Variants in ENTPD5 observed in about 807,000 individuals in gnomAD.
The protein encoded by ENTPD5 is ectonucleoside triphosphate diphosphohydrolase 5 (inactive).
A neutral mutation model predicts 60.2 loss-of-function variants in ENTPD5; 49 were observed. That is an observed-to-expected ratio of 0.81 (90% CI 0.65 to 1.03). ENTPD5 has a LOEUF of 1.03. ENTPD5 is among the 50% of genes least tolerant of loss of function. The pLI is 0.00. For synonymous variants in ENTPD5, 187 were observed against 185.4 expected, an observed-to-expected ratio of 1.01 and a Z score of -0.07; for missense variants, 480 against 507.6, an observed-to-expected ratio of 0.95 and a Z score of 0.52.
downstream of ENTPD5, chr14:73,961,239 C>T: frequency 6.2e-7 from 1 of 1,614,154 alleles, no homozygotes; most frequent in Non-Finnish European, 8.5e-7. Flanking sequence ...TGCTGTCAGC[C>T]TTCTGAAGCC....
intron 10 of ENTPD5, among the ~76,000 whole-genome samples, chr14:73,975,329 A>G (rs1003766496): frequency 1.3e-5 from 2 of 151,796 alleles, no homozygotes; most frequent in African/African-American, 4.8e-5. Context: ...TCTGAAGGCC[A>G]GCTCAAAGGA....
At chr14:74,017,609 G>A (rs1477642029) in intron 1 of ENTPD5, among the ~76,000 whole-genome samples, 1 of 151,554 alleles carries the variant, frequency 6.6e-6, no homozygotes, top group Non-Finnish European at 1.5e-5. Flanking sequence ...TTACAGCCGG[G>A]GGCGGTGGCT....
At chr14:73,983,298 G>A (rs1056455368) in intron 5 of ENTPD5, 137 bp from the exon 6 acceptor site, 8 of 848,948 alleles carry the variant, frequency 9.4e-6, no homozygotes, top group East Asian at 2.7e-5. Flanking sequence ...TCTGTAGCAG[G>A]AGAAACCTAG....
At chr14:73,986,444 C>A in intron 5 of ENTPD5, 1 of 171,386 alleles carries the variant, frequency 5.8e-6, no homozygotes, top group Non-Finnish European at 1.3e-5. Flanking sequence ...CACTGCTCAC[C>A]ATGCCTTCAA....
At chr14:73,971,084 C>T (rs1176743021) in intron 14 of ENTPD5, among the ~76,000 whole-genome samples, 2 of 150,950 alleles carry the variant, frequency 1.3e-5, no homozygotes, top group Non-Finnish European at 2.9e-5. Flanking sequence ...AACACTATTT[C>T]AATTTAAAAA....
intron 6 of ENTPD5, among the ~76,000 whole-genome samples, chr14:73,979,759 C>T (rs1194320702): frequency 6.6e-6 from 1 of 152,114 alleles, no homozygotes; most frequent in Non-Finnish European, 1.5e-5. Flanking sequence ...GCGTAAGCCA[C>T]TGCACCTGGC....
intron 6 of ENTPD5, among the ~76,000 whole-genome samples, chr14:73,981,860 T>TTATGCTG (rs1474362804): frequency 6.6e-6 from 1 of 151,650 alleles, no homozygotes; most frequent in Non-Finnish European, 1.5e-5. Flanking sequence ...CTCAAAAACT[T>TTATGCTG]TATGCTGAGA....
intron 11 of ENTPD5, 49 bp from the exon 12 acceptor site, chr14:73,974,027 G>A (rs2057338125): frequency 6.6e-7 from 1 of 1,523,132 alleles, no homozygotes; most frequent in Non-Finnish European, 9.1e-7. Flanking sequence ...TGAGAGAGAG[G>A]GAGGAAGGCA....
downstream of ENTPD5, chr14:73,959,955 T>C: frequency 9.0e-7 from 1 of 1,113,700 alleles, no homozygotes; most frequent in African/African-American, 1.6e-5. Context: ...GTCTAGATTA[T>C]GTGGAGGAGT....
chr14:73,978,498 G>A (rs2057536773), intron 6 of ENTPD5, among the ~76,000 whole-genome samples: 1 of 152,148 alleles, frequency 6.6e-6, no homozygotes, highest in Non-Finnish European at 1.5e-5. Context: ...CTACCTGGGA[G>A]GCTGAGGTAG....
downstream of ENTPD5, chr14:73,955,563 T>C (rs1485060362): frequency 5.2e-6 from 8 of 1,538,472 alleles, no homozygotes; most frequent in African/African-American, 2.7e-5. Context: ...TCTTAAGATA[T>C]CGGAGTCCAC....
rs539209610 is a variant in ENTPD5 at position 74,005,996 on chromosome 14, TG to T, written c.-71+5094del. Reference sequence around the variant, plus strand: ...GTGAAAAGAAATTTAAATACCTTTTTGTTTTTTTTGAGATGGAGTTTTACTC... The same window carrying T: ...GTGAAAAGAAATTTAAATACCTTTTTTTTTTTTTGAGATGGAGTTTTACTC... On this transcript the variant is annotated intron_variant, in intron 3 of 15. Transcript: ENST00000334696. Among the ~76,000 whole-genome samples the T allele has an allele frequency of 2.0e-3, 297 of 152,258 alleles. 2 individuals are homozygous for T. Among genetic ancestry groups the T allele is most frequent in the African/African-American group, 6.9e-3 (286 of 41,542 alleles).
At chr14:74,011,275 C>A (rs2058837596) in intron 2 of ENTPD5, 125 bp from the exon 3 acceptor site, 1 of 164,810 alleles carries the variant, frequency 6.1e-6, no homozygotes, top group South Asian at 2.0e-4. Flanking sequence ...GGCTTTGGAA[C>A]CCAGATCACC....
intron 3 of ENTPD5, among the ~76,000 whole-genome samples, chr14:74,006,284 C>CT (rs1224060585): frequency 0.3 from 39,621 of 129,956 alleles, 7,302 homozygotes; most frequent in Non-Finnish European, 0.4. Flanking sequence ...CTCGCCAAGC[C>CT]TTTTTTTTTT....
chr14:74,008,403 T>A (rs1352546661), intron 3 of ENTPD5, among the ~76,000 whole-genome samples: 3 of 151,262 alleles, frequency 2.0e-5, no homozygotes, highest in East Asian at 3.9e-4. Context: ...CTTTTTTTTT[T>A]TTTGAGACGG....
chr14:73,958,871 C>A, downstream of ENTPD5: 1 of 1,558,738 alleles, frequency 6.4e-7, no homozygotes, highest in Admixed American at 1.9e-5. Flanking sequence ...TCCTGCCACA[C>A]AACAATCAGA....
At chr14:74,013,265 A>G (rs1594963707) in intron 2 of ENTPD5, among the ~76,000 whole-genome samples, 1 of 152,302 alleles carries the variant, frequency 6.6e-6, no homozygotes, top group East Asian at 1.9e-4. Context: ...TTGTGCTCAC[A>G]TTGTTCTAAC....
intron 2 of ENTPD5, among the ~76,000 whole-genome samples, chr14:74,014,398 A>G (rs1045378111): frequency 2.1e-5 from 3 of 146,280 alleles, no homozygotes; most frequent in African/African-American, 7.4e-5. Flanking sequence ...CCCACAAAAA[A>G]AAGTTAGCTG....
In ENTPD5 at chr14:73,964,351, G is replaced by T; in HGVS notation, c.*2577C>A. On this transcript the variant is annotated 3_prime_UTR_variant, in exon 16 of 16. Coordinates refer to ENST00000334696, the MANE Select transcript of ENTPD5 (RefSeq NM_001249.5). The stretch of plus-strand genomic sequence containing the variant: ...AAAGGGTCTACTGCAGGCAGGATGG[G>T]CGTTACAGAAAAAAATAAAAACTCT... The T allele has an allele frequency of 6.6e-6, 1 of 152,176 alleles. No individual in the cohort carries two copies. The highest frequency in any genetic ancestry group is 1.9e-4 in the East Asian group (1 of 5,196). 9.4% of individuals were successfully genotyped at this position (152,176 alleles called of 1,614,324 possible).
Sources: allele counts gnomAD v4.1 joint callset (sites outside exome capture counted in the v4.1 genomes callset), GRCh38; gene constraint gnomAD v4.1.1; transcripts MANE v1.5; gene names NCBI Gene and HGNC (gene_info 2026-07-23, HGNC 2026-07-21).